Variants in ABCA13 observed in about 807,000 individuals in gnomAD.
ABCA13 encodes the protein ATP-binding cassette sub-family A member 13.
ABCA13 carries 476 observed loss-of-function variants against 478.7 expected under a neutral mutation model. That is an observed-to-expected ratio of 0.99 (90% CI 0.92 to 1.07). The LOEUF (loss-of-function observed/expected upper bound fraction) is 1.07, where lower values mean the gene tolerates loss of function less well. Among genes scored for constraint, ABCA13 ranks in the 50% least tolerant of loss-of-function variants. The pLI is 0.00. For missense variants in ABCA13, 6,060 were observed against 5,910.6 expected, an observed-to-expected ratio of 1.03 and a Z score of -0.83; for synonymous variants, 2,252 against 2,158.9, an observed-to-expected ratio of 1.04 and a Z score of -1.20.
chr7:48,313,624 AC>A (rs1228023348), intron 25 of ABCA13, among the ~76,000 whole-genome samples: 1 of 152,262 alleles, frequency 6.6e-6, no homozygotes, highest in East Asian at 1.9e-4. Flanking sequence ...CTTACAAGTT[AC>A]AGATCATTTA....
chr7:48,429,256 T>C (rs1251607838), intron 42 of ABCA13, among the ~76,000 whole-genome samples: 2 of 152,272 alleles, frequency 1.3e-5, no homozygotes, highest in Non-Finnish European at 2.9e-5. Context: ...AACATTTATA[T>C]ACACAATTTT....
rs771867630 is a variant in ABCA13 at position 48,295,702 on chromosome 7, A to C, written c.8958A>C (p.Glu2986Asp). The change falls in exon 21 of 62, where the codon GAA becomes GAC. Residue 2986 changes from glutamate (E) to aspartate (D), a missense_variant and splice_region_variant. Physicochemically the swap from Glu to Asp is conservative, Grantham distance 45. This residue lies in a region of ABCA13 where 4,423 missense variants were observed against 4,309.1 expected (regional missense o/e 1.03). Transcript: ENST00000435803. ...TATATCATTGCTATGTTTTCTAGGA[A>C]ATTGAAAAGATATGGTCCTCGCCGA... ...GVTLAQDHFQEIEKIWSSPNQ... is the reference protein window; with the variant it reads ...GVTLAQDHFQDIEKIWSSPNQ... 1.2e-6 allele frequency: 2 copies of C among 1,614,032 alleles called. No individual in the cohort carries two copies. Among genetic ancestry groups the C allele is most frequent in the South Asian group, 2.2e-5 (2 of 91,080 alleles).
rs772491170 is a variant in ABCA13, at chr7:48,372,405, T to C, written c.11041T>C (p.Cys3681Arg). The C allele has an allele frequency of 3.1e-6, 5 of 1,613,952 alleles. No homozygotes were observed. The South Asian group carries it at 5.5e-5, about 18-fold the overall frequency. ...FFSQANTAALCTSLVYMISFL... is the reference protein window; with the variant it reads ...FFSQANTAALRTSLVYMISFL... ...CAGCCAAGCTAATACAGCGGCCCTT[T>C]GTACCAGCCTGGTGTACATGATCAG... Residue 3681 changes from cysteine (C) to arginine (R), a missense_variant, in exon 33 of 62, where the codon TGT (cysteine) becomes CGT (arginine). Coordinates refer to ENST00000435803, the MANE Select transcript of ABCA13 (RefSeq NM_152701.5).
At chr7:48,258,374 G>C (rs1301118716) in intron 15 of ABCA13, among the ~76,000 whole-genome samples, 1 of 152,064 alleles carries the variant, frequency 6.6e-6, no homozygotes, top group Admixed American at 6.6e-5. Context: ...TCTGCATAGA[G>C]GTGTTTGTAA....
intron 15 of ABCA13, among the ~76,000 whole-genome samples, chr7:48,253,448 A>T (rs978022622): frequency 1.3e-5 from 2 of 152,212 alleles, no homozygotes; most frequent in African/African-American, 4.8e-5. Flanking sequence ...AGTGAATGAG[A>T]AAAATGTCAC....
intron 20 of ABCA13, among the ~76,000 whole-genome samples, chr7:48,291,792 G>T (rs1336445993): frequency 6.6e-6 from 1 of 152,134 alleles, no homozygotes; most frequent in Non-Finnish European, 1.5e-5. Context: ...CACTCCACCT[G>T]CTCAGTCCGT....
intron 58 of ABCA13, among the ~76,000 whole-genome samples, chr7:48,598,610 C>T (rs1790543265): frequency 2.0e-5 from 3 of 152,096 alleles, no homozygotes; most frequent in Non-Finnish European, 4.4e-5. Context: ...AAATGATTTG[C>T]AAATATGTAT....
At chr7:48,355,740 G>A (rs1380208249) in intron 31 of ABCA13, among the ~76,000 whole-genome samples, 1 of 151,946 alleles carries the variant, frequency 6.6e-6, no homozygotes, top group East Asian at 1.9e-4. Context: ...TGATGAGGGC[G>A]TGATAGAGAG....
chr7:48,181,536 G>T (rs147815279), intron 1 of ABCA13, among the ~76,000 whole-genome samples: 140,526 of 151,820 alleles, frequency 0.93, 65,741 homozygotes, highest in Non-Finnish European at 0.99. Flanking sequence ...TCATTTACTT[G>T]TGAGTTGTAT....
At chr7:48,460,732 GA>G (rs1826156361) in intron 43 of ABCA13, among the ~76,000 whole-genome samples, 1 of 152,210 alleles carries the variant, frequency 6.6e-6, no homozygotes, top group South Asian at 2.1e-4. Flanking sequence ...GCCTACAGTA[GA>G]ATCACTTGGT....
chr7:48,354,283 T>A (rs1352696334), intron 31 of ABCA13, among the ~76,000 whole-genome samples: 1 of 152,060 alleles, frequency 6.6e-6, no homozygotes, highest in Non-Finnish European at 1.5e-5. Context: ...CAATTCCCTC[T>A]GCTCCGGTTC....
At chr7:48,517,298 A>C (rs375099611) in intron 52 of ABCA13, among the ~76,000 whole-genome samples, 1 of 152,154 alleles carries the variant, frequency 6.6e-6, no homozygotes, top group East Asian at 1.9e-4. Flanking sequence ...CACACAACAC[A>C]GCTGACCATG....
At chr7:48,519,037 T>A (rs567378609) in intron 52 of ABCA13, among the ~76,000 whole-genome samples, 1 of 151,780 alleles carries the variant, frequency 6.6e-6, no homozygotes, top group African/African-American at 2.4e-5. Context: ...ATTGCTCAGC[T>A]CCCACTTATA....
intron 32 of ABCA13, among the ~76,000 whole-genome samples, chr7:48,368,458 T>C (rs1309153028): frequency 6.6e-6 from 1 of 151,830 alleles, no homozygotes; most frequent in Admixed American, 6.6e-5. Flanking sequence ...TCAATCACCA[T>C]CCCCAACCCT....
chr7:48,393,274 G>A (rs781605792), intron 38 of ABCA13, among the ~76,000 whole-genome samples: 9 of 152,204 alleles, frequency 5.9e-5, no homozygotes, highest in Non-Finnish European at 1.0e-4. Flanking sequence ...TGGTAGTTAA[G>A]TGTGCAGGCC....
chr7:48,453,911 A>G (rs1289720450), intron 42 of ABCA13, among the ~76,000 whole-genome samples: 1 of 152,190 alleles, frequency 6.6e-6, no homozygotes, highest in African/African-American at 2.4e-5. Flanking sequence ...TCAGATATGC[A>G]TTTTTATCCC....
At chr7:48,534,786 T>C (rs923318590) in intron 55 of ABCA13, among the ~76,000 whole-genome samples, 1 of 152,200 alleles carries the variant, frequency 6.6e-6, no homozygotes. Context: ...GCTTCTGCTT[T>C]TCCAGTTCTA....
chr7:48,582,955 G>A (rs1788844386), intron 56 of ABCA13, among the ~76,000 whole-genome samples: 2 of 152,136 alleles, frequency 1.3e-5, no homozygotes, highest in Non-Finnish European at 2.9e-5. Flanking sequence ...AATGATGCAA[G>A]AGATGAGGGC....
At chr7:48,470,370 C>T (rs1478204019) in intron 44 of ABCA13, among the ~76,000 whole-genome samples, 3 of 152,124 alleles carry the variant, frequency 2.0e-5, no homozygotes, top group Non-Finnish European at 1.5e-5. Flanking sequence ...TTTTTGAAGT[C>T]ATATATTAAA....
Sources: allele counts gnomAD v4.1 joint callset (sites outside exome capture counted in the v4.1 genomes callset), GRCh38; gene constraint gnomAD v4.1.1; regional missense constraint gnomAD v4.1.1; transcripts MANE v1.5; gene names NCBI Gene and HGNC (gene_info 2026-07-23, HGNC 2026-07-21).